Variants in PFKP observed in about 807,000 individuals in gnomAD.
PFKP encodes the protein phosphofructokinase, platelet.
A neutral mutation model predicts 94.3 loss-of-function variants in PFKP; 101 were observed. The ratio of observed to expected loss-of-function variants is 1.07; its 90% CI spans 0.91 to 1.26. The LOEUF is 1.26. Ranked by LOEUF, PFKP falls within the 50% of genes most tolerant of loss-of-function variation. The probability of loss-of-function intolerance (pLI) is 0.00; values close to 1 mark genes in which losing one functional copy is unlikely to be tolerated. For missense variants in PFKP, 1,145 were observed against 1,103.3 expected (o/e 1.04, Z -0.53); for synonymous variants, 573 against 432.6 (o/e 1.32, Z -4.03).
chr10:3,133,070 G>A (rs1838782812), intron 18 of PFKP, 133 bp from the exon 19 acceptor site: 1 of 701,534 alleles, frequency 1.4e-6, no homozygotes, highest in Middle Eastern at 4.0e-4. Context: ...TGAACTGGAG[G>A]GACTGGTGTT....
At chr10:3,110,581 CAAA>C (rs1251579110) in intron 10 of PFKP, among the ~76,000 whole-genome samples, 1 of 152,058 alleles carries the variant, frequency 6.6e-6, no homozygotes, top group Non-Finnish European at 1.5e-5. Flanking sequence ...TTAACACACA[CAAA>C]GAAGTCGTGA....
At chr10:3,084,870 A>C (rs566702391) in intron 2 of PFKP, among the ~76,000 whole-genome samples, 1 of 17,576 alleles carries the variant, frequency 5.7e-5, no homozygotes. Flanking sequence ...ACGGTCCCCC[A>C]CTCCACTCTC....
chr10:3,103,404 T>C (rs914754355), intron 4 of PFKP, among the ~76,000 whole-genome samples: 1 of 152,070 alleles, frequency 6.6e-6, no homozygotes, highest in Non-Finnish European at 1.5e-5. Flanking sequence ...CCCAGCACTT[T>C]GGAAGGCCAA....
At chr10:3,120,369 C>CTG (rs3841457) in intron 16 of PFKP, among the ~76,000 whole-genome samples, 11 of 108,482 alleles carry the variant, frequency 1.0e-4, no homozygotes, top group South Asian at 6.5e-4. Flanking sequence ...TTAAAAATCG[C>CTG]TGTGTGTGTG....
chr10:3,084,688 C>A (rs1164026110), intron 2 of PFKP, among the ~76,000 whole-genome samples: 1 of 150,748 alleles, frequency 6.6e-6, no homozygotes, highest in Non-Finnish European at 1.5e-5. Flanking sequence ...ACGCGGTCTC[C>A]AGCACAGTCC....
At chr10:3,123,046 A>G (rs1837586950) in intron 16 of PFKP, among the ~76,000 whole-genome samples, 1 of 152,286 alleles carries the variant, frequency 6.6e-6, no homozygotes, top group South Asian at 2.1e-4. Flanking sequence ...GTCCTCTCTC[A>G]TGATTTCCTT....
At position 3,097,020 on chromosome 10, in the gene PFKP, A is replaced by G. The variant is rs113222309; in HGVS notation, c.187-2255A>G. 5.1e-3 allele frequency among the ~76,000 whole-genome samples: 477 copies of G among 92,976 alleles called. 26 individuals carry two copies. Among genetic ancestry groups the G allele is most frequent in the African/African-American group, 0.016 (387 of 23,508 alleles). 61.0% of individuals were successfully genotyped at this position (92,976 alleles called of 152,430 possible). Reference sequence around the variant, plus strand: ...AGGAACCCGGGAGGCGGAGCTTGCAATGAGCCAAGATCACGCCACTGCACT... The same window carrying G: ...AGGAACCCGGGAGGCGGAGCTTGCAGTGAGCCAAGATCACGCCACTGCACT... On this transcript the variant is annotated intron_variant, in intron 2 of 21. Transcript: ENST00000381125.
intron 20 of PFKP, among the ~76,000 whole-genome samples, chr10:3,135,006 C>CTGCATGTTTGTAGAACTG: frequency 6.6e-6 from 1 of 151,182 alleles, no homozygotes; most frequent in Non-Finnish European, 1.5e-5. Flanking sequence ...GTTTGTAGAA[C>CTGCATGTTTGTAGAACTG]TGCATGTTCG....
At position 3,105,521 on chromosome 10, in the gene PFKP, C is replaced by A. The variant is rs758107228; in HGVS notation, c.774+20C>A. ...TCGGAGGTAATGCGGGTCCCGTGGCCGTTGATAGCGGGCGATGCTGGCTGC... is the reference window on the plus strand; with the variant it reads ...TCGGAGGTAATGCGGGTCCCGTGGCAGTTGATAGCGGGCGATGCTGGCTGC... On this transcript the variant is annotated intron_variant, in intron 7 of 21. Transcript: ENST00000381125. The A allele has an allele frequency of 1.3e-6, 2 of 1,517,546 alleles. No individual in the cohort carries two copies. The highest frequency in any genetic ancestry group is 1.4e-5 in the African/African-American group (1 of 73,022). 94.0% of individuals were successfully genotyped at this position (1,517,546 alleles called of 1,614,324 possible).
intron 8 of PFKP, 129 bp downstream of exon 8, chr10:3,107,438 A>G: frequency 1.6e-6 from 1 of 632,316 alleles, no homozygotes; most frequent in South Asian, 1.9e-5. Flanking sequence ...AAACATTTTC[A>G]TAATGACTCA....
At chr10:3,133,123 C>CT (rs1838789027) in intron 18 of PFKP, 80 bp from the exon 19 acceptor site, 5 of 984,220 alleles carry the variant, frequency 5.1e-6, no homozygotes, top group South Asian at 1.3e-5. Context: ...GGAGTCCAGC[C>CT]TCCCAGGGCC....
intron 16 of PFKP, among the ~76,000 whole-genome samples, chr10:3,126,007 G>C (rs564684445): frequency 6.6e-6 from 1 of 152,334 alleles, no homozygotes; most frequent in East Asian, 1.9e-4. Flanking sequence ...GGCCGGGGTA[G>C]GCCTGCATCG....
At position 3,107,310 on chromosome 10, in the gene PFKP, G is replaced by GTGA; in HGVS notation, c.870+2_870+4dup. 1 of 1,567,012 alleles carries GTGA rather than the reference G, an allele frequency of 6.4e-7. No homozygotes were observed. Among genetic ancestry groups the GTGA allele is most frequent in the Non-Finnish European group, 8.8e-7 (1 of 1,137,594 alleles). ...CATCACCTCTGAGAAAATCAAAGAG[G>GTGA]TGAGTGTGTGTAGCTGCTCACTTTC... On this transcript the variant is annotated splice_donor_variant, in intron 8 of 21. Coordinates refer to ENST00000381125, the MANE Select transcript of PFKP (RefSeq NM_002627.5). LOFTEE classifies it high-confidence loss of function.
At chr10:3,091,938 G>C (rs748626725) in intron 2 of PFKP, among the ~76,000 whole-genome samples, 1 of 152,218 alleles carries the variant, frequency 6.6e-6, no homozygotes, top group African/African-American at 2.4e-5. Flanking sequence ...TCATTTTATC[G>C]CTAGTTTTTT....
At position 3,103,830 on chromosome 10, in the gene PFKP, G is replaced by T. The variant is rs1463390841; in HGVS notation, c.506G>T (p.Gly169Val). ...AAGTACGCCTACCTCAACGTGGTGG[G>T]CATGGTGGGCTCCATCGACAATGAT... Reference protein sequence around the residue: ...VQKYAYLNVVGMVGSIDNDFC... With the variant: ...VQKYAYLNVVVMVGSIDNDFC... Residue 169 changes from glycine to valine, a missense_variant, in exon 5 of 22, where the codon GGC becomes GTC. Transcript: ENST00000381125. 3 of 1,613,914 alleles carry T rather than the reference G, an allele frequency of 1.9e-6. No individual in the cohort carries two copies. The East Asian group carries it at 6.7e-5, about 36-fold the overall frequency.
chr10:3,099,408 A>T lies in PFKP; in HGVS notation c.264+56A>T. 2.2e-6 allele frequency: 3 copies of T among 1,356,414 alleles called. No individual in the cohort carries two copies. In the South Asian group the frequency reaches 3.5e-5, roughly 16 times the overall value. The allele number at this position is 1,356,414 out of a possible 1,614,324, so 84.0% of individuals were successfully genotyped here. Reference sequence around the variant, plus strand: ...CTGAGTTAGAGACTCTTTTATGTCTAGTAAATTCCCAGAACACTTGAGCTC... The same window carrying T: ...CTGAGTTAGAGACTCTTTTATGTCTTGTAAATTCCCAGAACACTTGAGCTC... On this transcript the variant is annotated intron_variant, in intron 3 of 21. Coordinates refer to ENST00000381125, the MANE Select transcript of PFKP (RefSeq NM_002627.5).
At chr10:3,101,152 C>T (rs1304074630) in intron 3 of PFKP, among the ~76,000 whole-genome samples, 1 of 152,206 alleles carries the variant, frequency 6.6e-6, no homozygotes. Flanking sequence ...CTGGCTCCTC[C>T]TGGGTGTCAC....
chr10:3,103,801 GC>G lies in PFKP; in HGVS notation c.478del (p.Gln160ArgfsTer24). 2 of 1,613,944 alleles carry G rather than the reference GC, an allele frequency of 1.2e-6. No homozygotes were observed. Among genetic ancestry groups the G allele is most frequent in the Non-Finnish European group, 1.7e-6 (2 of 1,180,034 alleles). Reference sequence around the variant, plus strand: ...CAGGCCAGATCGATAAGGAGGCCGTGCAGAAGTACGCCTACCTCAACGTGGT... The same window carrying G: ...CAGGCCAGATCGATAAGGAGGCCGTGAGAAGTACGCCTACCTCAACGTGGT... ...RNGQIDKEAVQKYAYLNVVGM... is the reference protein window; with the variant it reads ...RNGQIDKEAVXKYAYLNVVGM... On this transcript the variant is annotated frameshift_variant, in exon 5 of 22. Coordinates refer to ENST00000381125, the MANE Select transcript of PFKP (RefSeq NM_002627.5). LOFTEE classifies it high-confidence loss of function.
intron 1 of PFKP, among the ~76,000 whole-genome samples, chr10:3,071,963 G>A (rs902797153): frequency 1.3e-5 from 2 of 152,318 alleles, no homozygotes; most frequent in South Asian, 4.1e-4. Context: ...TGGTGGGGCC[G>A]GGCCCTGTGG....
Sources: allele counts gnomAD v4.1 joint callset (sites outside exome capture counted in the v4.1 genomes callset), GRCh38; gene constraint gnomAD v4.1.1; transcripts MANE v1.5; gene names NCBI Gene and HGNC (gene_info 2026-07-23, HGNC 2026-07-21).